The following ETFBKMT variants were observed in gnomAD, a reference collection of about 807,000 sequenced individuals.
ETFBKMT encodes the protein electron transfer flavoprotein beta subunit lysine methyltransferase.
A neutral mutation model predicts 18.3 loss-of-function variants in ETFBKMT; 13 were observed. That is an observed-to-expected ratio of 0.71 (90% CI 0.46 to 1.13). ETFBKMT has a LOEUF of 1.13. Among genes scored for constraint, ETFBKMT ranks in the 50% most tolerant of loss-of-function variants. ETFBKMT has a pLI of 0.00. For synonymous variants in ETFBKMT, 84 were observed against 107.9 expected (o/e 0.78, Z 1.37); for missense variants, 293 against 306.2 (o/e 0.96, Z 0.32).
Position 31,667,950 on chromosome 12 carries a change from G to C in ETFBKMT, c.749G>C (p.Ser250Thr). The C allele has an allele frequency of 6.2e-7, 1 of 1,614,186 alleles. No individual in the cohort carries two copies. Among genetic ancestry groups the C allele is most frequent in the South Asian group, 1.1e-5 (1 of 91,084 alleles). ...SLLESTRQENSGLTTSTVWGF... is the reference protein window; with the variant it reads ...SLLESTRQENTGLTTSTVWGF... Reference sequence around the variant, plus strand: ...TTGGAGTCTACTAGGCAGGAAAACAGTGGACTGACAACAAGCACAGTGTGG... The same window carrying C: ...TTGGAGTCTACTAGGCAGGAAAACACTGGACTGACAACAAGCACAGTGTGG... The change falls in exon 4 of 4, where the codon AGT (serine) becomes ACT (threonine). Residue 250 changes from serine to threonine, a missense_variant. Physicochemically the swap from Ser to Thr is moderately conservative, Grantham distance 58 (BLOSUM62 1). Transcript: ENST00000357721.
chr12:31,655,321 G>C (rs979216461), upstream of ETFBKMT, among the ~76,000 whole-genome samples: 1 of 152,116 alleles, frequency 6.6e-6, no homozygotes, highest in African/African-American at 2.4e-5. Context: ...AAAAGGAAAA[G>C]GTCTCAGGCA....
At chr12:31,648,203 A>G (rs1337376827) in intron 1 of ETFBKMT, among the ~76,000 whole-genome samples, 1 of 152,264 alleles carries the variant, frequency 6.6e-6, no homozygotes, top group Non-Finnish European at 1.5e-5. Context: ...AAAGGAATGT[A>G]GTACAATTGT....
chr12:31,672,315 T>A lies in ETFBKMT; in HGVS notation c.*4325T>A. The A allele has an allele frequency of 6.3e-7, 1 of 1,575,074 alleles. No individual in the cohort carries two copies. Among genetic ancestry groups the A allele is most frequent in the Non-Finnish European group, 8.6e-7 (1 of 1,158,108 alleles). ...TCTTCAAAAAAGCATCAATAAACAG[T>A]CCATGTCACTTGCTTTAGTTTGTTT... is the stretch of plus-strand genomic sequence containing the variant. On this transcript the variant is annotated 3_prime_UTR_variant, in exon 4 of 4. Transcript: ENST00000357721.
chr12:31,651,295 A>G (rs1169669530), intron 1 of ETFBKMT, among the ~76,000 whole-genome samples: 1 of 144,980 alleles, frequency 6.9e-6, no homozygotes, highest in Non-Finnish European at 1.5e-5. Context: ...TCCTTTGAGA[A>G]AGATGCCTTC....
rs761935348 is a variant in ETFBKMT, at chr12:31,666,097, G to A, written c.325G>A (p.Asp109Asn). 14 of 1,611,536 alleles carry A rather than the reference G, an allele frequency of 8.7e-6. No homozygotes were observed. In the East Asian group the frequency reaches 3.1e-4, roughly 36 times the overall value. The change falls in exon 3 of 4, where the codon GAT (aspartate) becomes AAT (asparagine). Residue 109 changes from aspartate to asparagine, a missense_variant. Coordinates refer to ENST00000357721, the MANE Select transcript of ETFBKMT (RefSeq NM_001135863.2). ...TCCTTTTTAATTTAGGTATCTTTTG[G>A]ATAATCCTGATGTTGTCAGAGGAAA... ...GGQALSRYLL[D>N]NPDVVRGKSV...
In ETFBKMT at chr12:31,671,193, T is replaced by G. The variant is rs1036947096; in HGVS notation, c.*3203T>G. ...TATTGAATTTGTCTTTAGAAAAATTTCATAGTTAGAACAGGCCTTACCCAT... is the reference window on the plus strand; with the variant it reads ...TATTGAATTTGTCTTTAGAAAAATTGCATAGTTAGAACAGGCCTTACCCAT... On this transcript the variant is annotated 3_prime_UTR_variant, in exon 4 of 4. Transcript: ENST00000357721. 6.6e-6 allele frequency: 1 copy of G among 152,224 alleles called. No individual in the cohort carries two copies. 9.4% of individuals were successfully genotyped at this position (152,224 alleles called of 1,614,324 possible). A position where few individuals can be genotyped will look rare whatever the true frequency, so the allele number is the denominator to read the frequency against.
rs1194495608 is a variant in ETFBKMT, at chr12:31,669,464, G to A, written c.*1474G>A. 3.3e-5 allele frequency: 5 copies of A among 152,198 alleles called. No homozygotes were observed. The highest frequency in any genetic ancestry group is 6.5e-5 in the Admixed American group (1 of 15,282). 9.4% of individuals were successfully genotyped at this position (152,198 alleles called of 1,614,324 possible). ...GGTGCTTCCTTTCCCCCAGGTCAAC[G>A]AGGCTCTGGTAAAATAGTTTCCCTT... On this transcript the variant is annotated 3_prime_UTR_variant, in exon 4 of 4. Coordinates refer to ENST00000357721, the MANE Select transcript of ETFBKMT (RefSeq NM_001135863.2).
chr12:31,649,684 C>T (rs1950998215), intron 1 of ETFBKMT, among the ~76,000 whole-genome samples: 1 of 151,636 alleles, frequency 6.6e-6, no homozygotes, highest in Admixed American at 6.6e-5. Flanking sequence ...GATCATAGAT[C>T]TTTGATGTTT....
chr12:31,668,038 C>G lies in ETFBKMT; in HGVS notation c.*48C>G, dbSNP rs746884192. 8.8e-6 allele frequency: 13 copies of G among 1,475,662 alleles called. No individual in the cohort carries two copies. The highest frequency in any genetic ancestry group is 1.1e-5 in the Non-Finnish European group (12 of 1,082,884). The allele number at this position is 1,475,662 out of a possible 1,614,324, so 91.4% of individuals were successfully genotyped here. On this transcript the variant is annotated 3_prime_UTR_variant, in exon 4 of 4. Coordinates refer to ENST00000357721, the MANE Select transcript of ETFBKMT (RefSeq NM_001135863.2). ...TGAATATAGTAATGTTTGGATCTGACTCTAAAAGTTTTCTCTATAGGAGAT... is the reference window on the plus strand; with the variant it reads ...TGAATATAGTAATGTTTGGATCTGAGTCTAAAAGTTTTCTCTATAGGAGAT...
intron 2 of ETFBKMT, among the ~76,000 whole-genome samples, chr12:31,663,771 CCTTA>C (rs1208170338): frequency 3.3e-5 from 5 of 152,268 alleles, no homozygotes; most frequent in African/African-American, 1.2e-4. Flanking sequence ...ACTTGCTTAA[CCTTA>C]CTTTGTTTTT....
At chr12:31,650,985 A>G (rs566935633) in intron 1 of ETFBKMT, among the ~76,000 whole-genome samples, 3 of 152,288 alleles carry the variant, frequency 2.0e-5, no homozygotes, top group Non-Finnish European at 2.9e-5. Flanking sequence ...GTGAGACAAG[A>G]TGGTGGATCC....
Position 31,662,118 on chromosome 12 carries a change from T to C in ETFBKMT, c.165T>C (p.Thr55=). 1 of 1,614,222 alleles carries C rather than the reference T, an allele frequency of 6.2e-7. No homozygotes were observed. Among genetic ancestry groups the C allele is most frequent in the East Asian group, 2.2e-5 (1 of 44,882 alleles). The change falls in exon 2 of 4, where the codon ACT becomes ACC. Residue 55 remains threonine, a synonymous_variant. Transcript: ENST00000357721. ...PEIKAFLEEN[T]EVTSSGSLTP... ...TAAAGGCTTTCCTGGAGGAGAACAC[T>C]GAAGTCACCAGCAGTGGTAGCCTCA...
intron 1 of ETFBKMT, among the ~76,000 whole-genome samples, chr12:31,648,986 A>AC (rs1555182629): frequency 2.6e-5 from 4 of 151,172 alleles, no homozygotes; most frequent in African/African-American, 9.7e-5. Context: ...CAATAGTTGT[A>AC]TTTTTTTTGG....
chr12:31,659,183 CG>C (rs1951088698), upstream of ETFBKMT: 2 of 152,248 alleles, frequency 1.3e-5, no homozygotes, highest in Non-Finnish European at 2.9e-5. Context: ...GGAAAAAGGG[CG>C]GGGCCGCGAG....
chr12:31,669,982 G>C lies in ETFBKMT; in HGVS notation c.*1992G>C, dbSNP rs1039817328. The C allele has an allele frequency of 6.6e-6, 1 of 152,274 alleles. No homozygotes were observed. Among genetic ancestry groups the C allele is most frequent in the African/African-American group, 2.4e-5 (1 of 41,424 alleles). 9.4% of individuals were successfully genotyped at this position (152,274 alleles called of 1,614,324 possible). On this transcript the variant is annotated 3_prime_UTR_variant, in exon 4 of 4. Coordinates refer to ENST00000357721, the MANE Select transcript of ETFBKMT (RefSeq NM_001135863.2). Reference sequence around the variant, plus strand: ...TTACAGGTATACACCACCAAACCCAGCTGGGATTACAGGCATGCACCACCA... The same window carrying C: ...TTACAGGTATACACCACCAAACCCACCTGGGATTACAGGCATGCACCACCA...
chr12:31,652,267 A>G (rs1034400236), intron 1 of ETFBKMT, among the ~76,000 whole-genome samples: 9 of 151,996 alleles, frequency 5.9e-5, no homozygotes, highest in African/African-American at 2.2e-4. Flanking sequence ...TCTTCTGCCT[A>G]TTAAACCTCT....
Position 31,666,352 on chromosome 12 carries a change from G to C in ETFBKMT, c.445+135G>C, listed in dbSNP as rs1328403466. On this transcript the variant is annotated intron_variant, in intron 3 of 3. Coordinates refer to ENST00000357721, the MANE Select transcript of ETFBKMT (RefSeq NM_001135863.2). ...GGACATTGTGAATCTCTGTGCACTG[G>C]GACATTATCTGTAGGAATCCCCTGA... 4 of 935,516 alleles carry C rather than the reference G, an allele frequency of 4.3e-6. No homozygotes were observed. The African/African-American group carries it at 5.0e-5, about 12-fold the overall frequency. The allele number at this position is 935,516 out of a possible 1,614,324, so 58.0% of individuals were successfully genotyped here. A position where few individuals can be genotyped will look rare whatever the true frequency, so the allele number is the denominator to read the frequency against.
chr12:31,659,464 T>G (rs1451147582), upstream of ETFBKMT: 3 of 152,344 alleles, frequency 2.0e-5, no homozygotes, highest in South Asian at 2.1e-4. Context: ...AACGTAACTC[T>G]TTTCATCCCA....
chr12:31,651,519 G>C (rs954324655), intron 1 of ETFBKMT, among the ~76,000 whole-genome samples: 1 of 151,940 alleles, frequency 6.6e-6, no homozygotes, highest in Non-Finnish European at 1.5e-5. Flanking sequence ...TAGTAGAGAC[G>C]GGGTTTTACC....
Sources: allele counts gnomAD v4.1 joint callset (sites outside exome capture counted in the v4.1 genomes callset), GRCh38; gene constraint gnomAD v4.1.1; transcripts MANE v1.5; gene names NCBI Gene and HGNC (gene_info 2026-07-23, HGNC 2026-07-21).